The following MKRN1 variants were observed in gnomAD, a reference collection of about 807,000 sequenced individuals.
MKRN1 encodes makorin ring finger protein 1, also known as E3 ubiquitin-protein ligase makorin-1.
Under a neutral mutation model 55.5 loss-of-function variants are expected in MKRN1, and 9 were observed. The ratio of observed to expected loss-of-function variants is 0.16; its 90% CI spans 0.10 to 0.28. The LOEUF (loss-of-function observed/expected upper bound fraction) is 0.28, where lower values mean the gene tolerates loss of function less well. Ranked by LOEUF, MKRN1 falls within the 10% of genes least tolerant of loss-of-function variation. MKRN1 has a pLI of 1.00. For synonymous variants in MKRN1, 253 were observed against 235.9 expected (o/e 1.07, Z -0.66); for missense variants, 488 against 626.7 (o/e 0.78, Z 2.36).
At chr7:140,468,318 G>C (rs1410812485) in intron 2 of MKRN1, among the ~76,000 whole-genome samples, 1 of 152,096 alleles carries the variant, frequency 6.6e-6, no homozygotes, top group East Asian at 1.9e-4. Context: ...TACCTGCAGA[G>C]ACTATACCAC....
At chr7:140,474,414 A>T in intron 1 of MKRN1, 1 of 370,114 alleles carries the variant, frequency 2.7e-6, no homozygotes, top group Non-Finnish European at 5.5e-6. Flanking sequence ...GCTGAGGCAG[A>T]ATTGCTTGAA....
chr7:140,473,140 G>A (rs1048657712), intron 1 of MKRN1: 2 of 389,222 alleles, frequency 5.1e-6, no homozygotes, highest in African/African-American at 2.2e-5. Flanking sequence ...TATAGTCTAC[G>A]TCAAAGAATT....
chr7:140,454,461 C>T lies in MKRN1; in HGVS notation c.*56G>A. The T allele has an allele frequency of 2.6e-6, 4 of 1,530,884 alleles. No homozygotes were observed. The highest frequency in any genetic ancestry group is 3.6e-6 in the Non-Finnish European group (4 of 1,118,078). The allele number at this position is 1,530,884 out of a possible 1,614,324, so 94.8% of individuals were successfully genotyped here. On this transcript the variant is annotated 3_prime_UTR_variant, in exon 8 of 8. Coordinates refer to ENST00000255977, the MANE Select transcript of MKRN1 (RefSeq NM_013446.4). ...GAACACAGGCACTGCCACACCACCA[C>T]AGGGGACAGCTGCTGTCTGAGGTCA... is the stretch of plus-strand genomic sequence containing the variant.
In MKRN1 at chr7:140,459,573, C is replaced by A. The variant is rs1167442764; in HGVS notation, c.544+134G>T. 7 of 846,702 alleles carry A rather than the reference C, an allele frequency of 8.3e-6. No homozygotes were observed. The Admixed American group carries it at 1.4e-4, about 17-fold the overall frequency. 52.4% of individuals were successfully genotyped at this position (846,702 alleles called of 1,614,324 possible). ...ACTCTATCTGTAAATCTTAGGTAAT[C>A]CAAATTAAAGTACTGTACTAAGATT... On this transcript the variant is annotated intron_variant, in intron 3 of 7. Coordinates refer to ENST00000255977, the MANE Select transcript of MKRN1 (RefSeq NM_013446.4).
At chr7:140,478,954 G>A (rs1795206086) in intron 1 of MKRN1, 1 of 522,100 alleles carries the variant, frequency 1.9e-6, no homozygotes, top group Non-Finnish European at 2.8e-6. Flanking sequence ...CAGCGCTGAG[G>A]GCTCCGCGGC....
At chr7:140,458,928 G>C in intron 4 of MKRN1, 79 bp downstream of exon 4, 1 of 1,463,148 alleles carries the variant, frequency 6.8e-7, no homozygotes, top group African/African-American at 1.4e-5. Context: ...ATGTTTCTCT[G>C]AAATAAACCC....
intron 2 of MKRN1, among the ~76,000 whole-genome samples, chr7:140,466,672 C>T (rs1247096632): frequency 1.3e-5 from 2 of 151,774 alleles, no homozygotes; most frequent in African/African-American, 4.8e-5. Context: ...GGCGCGGTGG[C>T]GGGCGCCTGT....
chr7:140,478,941 G>C, intron 1 of MKRN1: 1 of 452,350 alleles, frequency 2.2e-6, no homozygotes, highest in Non-Finnish European at 3.4e-6. Flanking sequence ...AGGCCTCCGC[G>C]GACAGCGCTG....
chr7:140,474,666 T>A (rs1795067266), intron 1 of MKRN1, among the ~76,000 whole-genome samples: 1 of 152,152 alleles, frequency 6.6e-6, no homozygotes, highest in Non-Finnish European at 1.5e-5. Flanking sequence ...GTAATAAATT[T>A]CACTATGGAC....
At chr7:140,478,043 C>T (rs1183703388) in intron 1 of MKRN1, 1 of 152,162 alleles carries the variant, frequency 6.6e-6, no homozygotes, top group African/African-American at 2.4e-5. Flanking sequence ...CTTCGAAGGT[C>T]GCCAGGATAA....
intron 1 of MKRN1, 70 bp downstream of exon 1, chr7:140,479,090 C>G: frequency 8.0e-7 from 1 of 1,252,796 alleles, no homozygotes; most frequent in Non-Finnish European, 1.0e-6. Context: ...CCGCCCTCCT[C>G]CCTCCCGCGC....
chr7:140,458,910 T>G (rs1794540207), intron 4 of MKRN1, 97 bp downstream of exon 4: 9 of 1,294,436 alleles, frequency 7.0e-6, no homozygotes, highest in South Asian at 1.3e-5. Context: ...AACCATTCAA[T>G]TCATCAAATG....
chr7:140,473,408 C>A (rs1794993534), intron 1 of MKRN1: 1 of 327,898 alleles, frequency 3.0e-6, no homozygotes, highest in Non-Finnish European at 5.9e-6. Flanking sequence ...TGGCCCCCAA[C>A]ATAGAGAACA....
chr7:140,459,710 G>A lies in MKRN1; in HGVS notation c.541C>T (p.Arg181Cys). The A allele has an allele frequency of 3.1e-6, 5 of 1,613,294 alleles. No homozygotes were observed. Among genetic ancestry groups the A allele is most frequent in the Non-Finnish European group, 4.2e-6 (5 of 1,179,384 alleles). ...TTTTCTTCTTCAGAATACTTACTAC[G>A]GCCACAGTAGGGTTGCCCAGGAACA... ...EFVPGQPYCG[R>C]TAPSCTEAPL... The change falls in exon 3 of 8, where the codon CGT becomes TGT. Residue 181 changes from arginine to cysteine, a missense_variant. Physicochemically the swap from Arg to Cys is radical, Grantham distance 180 (BLOSUM62 -3). Transcript: ENST00000255977.
intron 1 of MKRN1, chr7:140,478,208 G>A (rs1316797247): frequency 6.6e-6 from 1 of 152,164 alleles, no homozygotes; most frequent in Non-Finnish European, 1.5e-5. Flanking sequence ...AAAAAGAAAA[G>A]CTTACAGTCG....
intron 2 of MKRN1, among the ~76,000 whole-genome samples, chr7:140,460,482 G>T (rs748453880): frequency 1.3e-4 from 19 of 151,538 alleles, no homozygotes; most frequent in African/African-American, 1.9e-4. Context: ...GCTAAGTTTT[G>T]TATCTTTAGT....
At chr7:140,478,231 A>G (rs914766514) in intron 1 of MKRN1, 9 of 152,246 alleles carry the variant, frequency 5.9e-5, no homozygotes, top group Non-Finnish European at 1.5e-5. Context: ...ACTGATCACT[A>G]TTTAAAAACC....
chr7:140,468,701 CAAAA>C (rs528725182), intron 2 of MKRN1, among the ~76,000 whole-genome samples: 20 of 32,124 alleles, frequency 6.2e-4, no homozygotes, highest in Non-Finnish European at 3.2e-4. Context: ...CTCTGTCTCA[CAAAA>C]AAAAAAAAAA....
At chr7:140,456,010 C>A in intron 5 of MKRN1, 110 bp from the exon 6 acceptor site, 1 of 1,078,374 alleles carries the variant, frequency 9.3e-7, no homozygotes, top group Non-Finnish European at 1.4e-6. Flanking sequence ...CTGAAAGGCA[C>A]GTGGGCATTT....
Sources: gnomAD v4.1 joint callset for allele counts (sites outside exome capture counted in the v4.1 genomes callset) on GRCh38, gnomAD v4.1.1 for gene constraint, MANE v1.5 for transcripts, NCBI Gene and HGNC (gene_info 2026-07-23, HGNC 2026-07-21) for gene names.